The following MUC15 variants were observed in gnomAD, a reference collection of about 807,000 sequenced individuals.
The protein encoded by MUC15 is mucin 15, cell surface associated.
MUC15 carries 23 observed loss-of-function variants against 24.0 expected under a neutral mutation model. That is an observed-to-expected ratio of 0.96 (90% CI 0.69 to 1.36). The LOEUF is 1.36. MUC15 is among the 40% of genes most tolerant of loss of function. The probability of loss-of-function intolerance (pLI) is 0.00; values close to 1 mark genes in which losing one functional copy is unlikely to be tolerated. For missense variants in MUC15, 442 were observed against 428.2 expected, an observed-to-expected ratio of 1.03 and a Z score of -0.29; for synonymous variants, 151 against 156.3, an observed-to-expected ratio of 0.97 and a Z score of 0.25.
Position 26,559,445 on chromosome 11 carries a change from G to A in MUC15, c.*1620C>T, listed in dbSNP as rs540833776. ...GACCCACAAATACTTCCATAGAATG[G>A]TAGAATTATTTATAATCAGAAATGA... On this transcript the variant is annotated 3_prime_UTR_variant, in exon 5 of 5. Transcript: ENST00000529533. 132 of 303,512 alleles carry A rather than the reference G, an allele frequency of 4.3e-4. No individual in the cohort carries two copies. The highest frequency in any genetic ancestry group is 6.9e-4 in the Non-Finnish European group (114 of 164,538). 18.8% of individuals were successfully genotyped at this position (303,512 alleles called of 1,614,324 possible).
In MUC15 at chr11:26,560,039, G is replaced by A. The variant is rs1480393065; in HGVS notation, c.*1026C>T. On this transcript the variant is annotated 3_prime_UTR_variant, in exon 5 of 5. Transcript: ENST00000529533. ...AACATATTTTTTCTACCAAAGGAAGGTGGTAATTAAAAACAAACTGAAACA... is the reference window on the plus strand; with the variant it reads ...AACATATTTTTTCTACCAAAGGAAGATGGTAATTAAAAACAAACTGAAACA... The A allele has an allele frequency of 2.9e-6, 1 of 343,650 alleles. No individual in the cohort carries two copies. Among genetic ancestry groups the A allele is most frequent in the Admixed American group, 4.5e-5 (1 of 22,206 alleles). The allele number at this position is 343,650 out of a possible 1,614,324, so 21.3% of individuals were successfully genotyped here.
chr11:26,564,690 TATAC>T (rs1176266905), intron 3 of MUC15, among the ~76,000 whole-genome samples: 6 of 18,672 alleles, frequency 3.2e-4, no homozygotes, highest in Admixed American at 8.2e-4. Flanking sequence ...TACTCATATA[TATAC>T]ACACACACAC....
Position 26,567,073 on chromosome 11 carries a change from G to T in MUC15, c.22C>A (p.Leu8Ile). 6.6e-7 allele frequency: 1 copy of T among 1,506,596 alleles called. No homozygotes were observed. Among genetic ancestry groups the T allele is most frequent in the Non-Finnish European group, 8.9e-7 (1 of 1,122,838 alleles). 93.3% of individuals were successfully genotyped at this position (1,506,596 alleles called of 1,614,324 possible). The change falls in exon 2 of 5, where the codon CTT becomes ATT. Residue 8 changes from leucine (L) to isoleucine (I), a missense_variant. Leu to Ile is a conservative substitution (Grantham distance 5). Transcript: ENST00000529533. ...TTACAACAATCCCTTGATGTGGCAA[G>T]AATAGATTGTATTATGCCCATTTTG... MGIIQSI[L>I]ATSRDCYSFK... is the part of the protein sequence containing the mutation.
chr11:26,560,323 T>G lies in MUC15; in HGVS notation c.*742A>C, dbSNP rs1232278976. ...TTTTTTTACCATGATTCTCATTGAG[T>G]TTTTAAGGCACCCAAATAATTGAAG... On this transcript the variant is annotated 3_prime_UTR_variant, in exon 5 of 5. Transcript: ENST00000529533. 6.6e-6 allele frequency: 1 copy of G among 151,994 alleles called. No individual in the cohort carries two copies. Among genetic ancestry groups the G allele is most frequent in the Non-Finnish European group, 1.5e-5 (1 of 68,024 alleles). 9.4% of individuals were successfully genotyped at this position (151,994 alleles called of 1,614,324 possible).
chr11:26,565,415 G>A lies in MUC15; in HGVS notation c.525C>T (p.Asn175=). 1.9e-6 allele frequency: 3 copies of A among 1,613,412 alleles called. No homozygotes were observed. The highest frequency in any genetic ancestry group is 2.5e-6 in the Non-Finnish European group (3 of 1,179,532). The part of the protein sequence containing the change: ...PNATPALSSE[N]FTWSLVNDTV... ...TGTCATTGACCAAAGACCAAGTGAA[G>A]TTTTCTGAAGACAGAGCAGGTGTAG... The change falls in exon 3 of 5, where the codon AAC becomes AAT. Residue 175 remains asparagine (N), a synonymous_variant. Transcript: ENST00000529533.
At chr11:26,563,315 C>T (rs1319925329) in intron 3 of MUC15, 50 bp from the exon 4 acceptor site, 1 of 1,529,766 alleles carries the variant, frequency 6.5e-7, no homozygotes, top group Admixed American at 2.0e-5. Context: ...ATTCAAAGAA[C>T]CGAACTCTAT....
chr11:26,563,889 C>T (rs192075446), intron 3 of MUC15, among the ~76,000 whole-genome samples: 1 of 151,846 alleles, frequency 6.6e-6, no homozygotes, highest in Admixed American at 6.6e-5. Context: ...ATTCTTTTCA[C>T]TCGGTATCTT....
chr11:26,563,268 A>C lies in MUC15; in HGVS notation c.776-3T>G, dbSNP rs774787448. 1 of 1,586,944 alleles carries C rather than the reference A, an allele frequency of 6.3e-7. No homozygotes were observed. The highest frequency in any genetic ancestry group is 8.5e-7 in the Non-Finnish European group (1 of 1,170,848). On this transcript the variant is annotated splice_polypyrimidine_tract_variant and splice_region_variant and intron_variant, in intron 3 of 4. Coordinates refer to ENST00000529533, the MANE Select transcript of MUC15 (RefSeq NM_001135091.2). ...TACTATTCCTGTATTTCTATTTTCT[A>C]CAGGACAAAAAAAATTTAAAGAAAT...
At position 26,559,702 on chromosome 11, in the gene MUC15, G is replaced by A; in HGVS notation, c.*1363C>T. 6.3e-7 allele frequency: 1 copy of A among 1,597,802 alleles called. No homozygotes were observed. The highest frequency in any genetic ancestry group is 2.2e-5 in the East Asian group (1 of 44,716). ...ATCAATTTGCATGACTAATATTTCT[G>A]TTTGTTTTCTACTCAGGTGACATAT... On this transcript the variant is annotated 3_prime_UTR_variant, in exon 5 of 5. Coordinates refer to ENST00000529533, the MANE Select transcript of MUC15 (RefSeq NM_001135091.2).
At chr11:26,567,028 A>G in intron 2 of MUC15, 24 bp downstream of exon 2, 4 of 1,462,756 alleles carry the variant, frequency 2.7e-6, no homozygotes, top group Non-Finnish European at 3.6e-6. Flanking sequence ...CAAAGTTTAC[A>G]GTATCATCTT....
Position 26,565,434 on chromosome 11 carries a change from G to A in MUC15, c.506C>T (p.Pro169Leu), listed in dbSNP as rs1224069383. 1.9e-6 allele frequency: 3 copies of A among 1,613,330 alleles called. No homozygotes were observed. The highest frequency in any genetic ancestry group is 2.7e-5 in the African/African-American group (2 of 74,860). Reference sequence around the variant, plus strand: ...AGTGAAGTTTTCTGAAGACAGAGCAGGTGTAGCATTGGGATGTGCTGAGAT... The same window carrying A: ...AGTGAAGTTTTCTGAAGACAGAGCAAGTGTAGCATTGGGATGTGCTGAGAT... ...LPISAHPNAT[P>L]ALSSENFTWS... The change falls in exon 3 of 5, where the codon CCT becomes CTT. Residue 169 changes from proline (P) to leucine (L), a missense_variant. By Grantham distance (98) the Pro-to-Leu change is moderately conservative (BLOSUM62 -3). Coordinates refer to ENST00000529533, the MANE Select transcript of MUC15 (RefSeq NM_001135091.2).
intron 3 of MUC15, among the ~76,000 whole-genome samples, chr11:26,564,760 TA>T: frequency 1.1e-5 from 1 of 87,760 alleles, no homozygotes; most frequent in Non-Finnish European, 2.3e-5. Context: ...TATATATATA[TA>T]TATATATATA....
chr11:26,566,375 C>T (rs957818814), intron 2 of MUC15, among the ~76,000 whole-genome samples: 1 of 151,932 alleles, frequency 6.6e-6, no homozygotes. Flanking sequence ...AATGACATTA[C>T]TGACTATACA....
chr11:26,563,010 C>T, intron 4 of MUC15, 106 bp downstream of exon 4: 1 of 1,433,660 alleles, frequency 7.0e-7, no homozygotes. Flanking sequence ...TTTGTTCATT[C>T]ATATGAATTC....
intron 1 of MUC15, among the ~76,000 whole-genome samples, chr11:26,571,503 C>A (rs1473634053): frequency 1.3e-5 from 2 of 151,966 alleles, no homozygotes; most frequent in Non-Finnish European, 2.9e-5. Context: ...AACAGTTTCC[C>A]AACTTTTTAA....
chr11:26,563,553 G>C (rs1200241876), intron 3 of MUC15, among the ~76,000 whole-genome samples: 1 of 151,728 alleles, frequency 6.6e-6, no homozygotes, highest in Non-Finnish European at 1.5e-5. Flanking sequence ...CTTGTGTCTT[G>C]TTCTTATTAA....
intron 4 of MUC15, among the ~76,000 whole-genome samples, chr11:26,561,729 G>C (rs1314114535): frequency 6.6e-6 from 1 of 151,952 alleles, no homozygotes; most frequent in Non-Finnish European, 1.5e-5. Flanking sequence ...GTTTTCTTCT[G>C]ATCGATTCAA....
chr11:26,571,570 T>A (rs1054753151), intron 1 of MUC15, among the ~76,000 whole-genome samples: 1 of 152,082 alleles, frequency 6.6e-6, no homozygotes, highest in Non-Finnish European at 1.5e-5. Context: ...TATTAGAAGA[T>A]TTTTTCCAAA....
chr11:26,567,082 G>T lies in MUC15; in HGVS notation c.13C>A (p.Gln5Lys). The change falls in exon 2 of 5, where the codon CAA (glutamine) becomes AAA (lysine). Residue 5 changes from glutamine to lysine, a missense_variant. By Grantham distance (53) the Gln-to-Lys change is moderately conservative. Coordinates refer to ENST00000529533, the MANE Select transcript of MUC15 (RefSeq NM_001135091.2). MGII[Q>K]SILATSRDCY... ...TCCCTTGATGTGGCAAGAATAGATT[G>T]TATTATGCCCATTTTGCAGATGAAG... is the stretch of plus-strand genomic sequence containing the variant. 5 of 1,496,410 alleles carry T rather than the reference G, an allele frequency of 3.3e-6. No homozygotes were observed. The highest frequency in any genetic ancestry group is 3.6e-6 in the Non-Finnish European group (4 of 1,117,620). The allele number at this position is 1,496,410 out of a possible 1,614,324, so 92.7% of individuals were successfully genotyped here.
Sources: gnomAD v4.1 joint callset for allele counts (sites outside exome capture counted in the v4.1 genomes callset) on GRCh38, gnomAD v4.1.1 for gene constraint, MANE v1.5 for transcripts, NCBI Gene and HGNC (gene_info 2026-07-23, HGNC 2026-07-21) for gene names.